APP: variants seen among roughly 807,000 people sequenced by gnomAD.
APP encodes amyloid-beta precursor protein.
APP carries 31 observed loss-of-function variants against 101.4 expected under a neutral mutation model. The observed-to-expected ratio is 0.31, with a 90% CI of 0.23 to 0.41. APP has a LOEUF of 0.41. Ranked by LOEUF, APP falls within the 10% of genes least tolerant of loss-of-function variation. APP has a pLI of 1.00. For synonymous variants in APP, 366 were observed against 364.4 expected (o/e 1.00, Z -0.05); for missense variants, 839 against 1,003.7 (o/e 0.84, Z 2.22).
intron 3 of APP, among the ~76,000 whole-genome samples, chr21:26,073,491 T>C (rs1291384617): frequency 1.3e-5 from 2 of 152,014 alleles, no homozygotes; most frequent in African/African-American, 4.8e-5. Flanking sequence ...AACAGGTGAC[T>C]GTGGAGGGAA....
At position 26,138,598 on chromosome 21, in the gene APP, C is replaced by T. The variant is rs548471712; in HGVS notation, c.58-26452G>A. ...GTCCTAGCTACTTAGGAGGCTGAGG[C>T]GGGAGGATCGCTTGAGACAAGGAGG... On this transcript the variant is annotated intron_variant, in intron 1 of 17. Transcript: ENST00000346798. 3.2e-3 allele frequency among the ~76,000 whole-genome samples: 478 copies of T among 151,564 alleles called. 2 individuals carry two copies. The highest frequency in any genetic ancestry group is 9.9e-3 in the African/African-American group (407 of 41,304).
intron 13 of APP, among the ~76,000 whole-genome samples, chr21:25,936,636 C>T (rs1171816268): frequency 2.0e-5 from 3 of 152,232 alleles, no homozygotes; most frequent in Non-Finnish European, 4.4e-5. Context: ...ATTTGTAAAT[C>T]AAGGAAGAGA....
intron 17 of APP, 114 bp from the exon 18 acceptor site, chr21:25,881,885 G>C (rs780691840): frequency 2.3e-5 from 24 of 1,025,222 alleles, no homozygotes; most frequent in Non-Finnish European, 3.4e-5. Context: ...CAAGATTGCA[G>C]AACACCCATA....
At chr21:26,084,819 T>C (rs1218194195) in intron 3 of APP, among the ~76,000 whole-genome samples, 1 of 152,196 alleles carries the variant, frequency 6.6e-6, no homozygotes, top group African/African-American at 2.4e-5. Flanking sequence ...CATCATGGTG[T>C]TTTCAAAACT....
At chr21:25,914,639 C>T (rs1453102292) in intron 13 of APP, among the ~76,000 whole-genome samples, 10 of 150,468 alleles carry the variant, frequency 6.6e-5, no homozygotes, top group Non-Finnish European at 1.3e-4. Flanking sequence ...CTGCAAGCTC[C>T]GCCTCCCGGG....
chr21:25,929,333 A>G (rs2040041788), intron 13 of APP, among the ~76,000 whole-genome samples: 1 of 152,222 alleles, frequency 6.6e-6, no homozygotes, highest in Non-Finnish European at 1.5e-5. Flanking sequence ...AAAATGTAGA[A>G]AAAAGGAATG....
intron 2 of APP, among the ~76,000 whole-genome samples, chr21:26,091,797 A>G (rs556780853): frequency 2.6e-5 from 4 of 152,256 alleles, no homozygotes; most frequent in African/African-American, 9.6e-5. Flanking sequence ...AGAGGAAAAG[A>G]GGACATTCCC....
At chr21:25,978,841 A>C (rs1387076491) in intron 9 of APP, among the ~76,000 whole-genome samples, 1 of 152,184 alleles carries the variant, frequency 6.6e-6, no homozygotes, top group Non-Finnish European at 1.5e-5. Flanking sequence ...AATCCCAGTT[A>C]CTGGGGAGGC....
Position 26,071,753 on chromosome 21 carries a change from G to C in APP, c.355+18190C>G, listed in dbSNP as rs532142696. On this transcript the variant is annotated intron_variant, in intron 3 of 17. Transcript: ENST00000346798. ...GATATGAGAATCTTCTAAGAAAGGT[G>C]ATTTACCATTTTCAGGCCAAAGGCA... Among the ~76,000 whole-genome samples, 4 of 152,318 alleles carry C rather than the reference G, an allele frequency of 2.6e-5. No homozygotes were observed. In the East Asian group the frequency reaches 7.7e-4, roughly 29 times the overall value.
intron 13 of APP, among the ~76,000 whole-genome samples, chr21:25,918,156 G>C (rs562561619): frequency 6.6e-6 from 1 of 152,320 alleles, no homozygotes; most frequent in Admixed American, 6.5e-5. Context: ...AATACCATTT[G>C]ACCCAGCAAT....
intron 3 of APP, among the ~76,000 whole-genome samples, chr21:26,069,828 C>T (rs1296017449): frequency 6.6e-6 from 1 of 152,012 alleles, no homozygotes; most frequent in Admixed American, 6.6e-5. Flanking sequence ...AGATGCAGAA[C>T]TATTTAGGGC....
intron 2 of APP, among the ~76,000 whole-genome samples, chr21:26,110,753 A>T (rs1258186629): frequency 6.6e-6 from 1 of 152,142 alleles, no homozygotes; most frequent in Non-Finnish European, 1.5e-5. Context: ...ACAAACATTC[A>T]TTATCCAAGT....
At chr21:25,965,195 A>T (rs995516212) in intron 11 of APP, among the ~76,000 whole-genome samples, 2 of 152,214 alleles carry the variant, frequency 1.3e-5, no homozygotes, top group African/African-American at 4.8e-5. Flanking sequence ...GTGTACACTT[A>T]ATGATGAACA....
chr21:26,077,514 T>C (rs2061519920), intron 3 of APP, among the ~76,000 whole-genome samples: 1 of 152,206 alleles, frequency 6.6e-6, no homozygotes, highest in Admixed American at 6.5e-5. Context: ...ATTTGCCTCA[T>C]TTTCTATGCA....
In APP at chr21:26,053,345, C is replaced by T; in HGVS notation, c.359G>A (p.Gly120Asp). ...GAGAAGGGCATCACTTACAAACTCACCAACTGAAAGAAAGGAAAACCACTT... is the reference window on the plus strand; with the variant it reads ...GAGAAGGGCATCACTTACAAACTCATCAACTGAAAGAAAGGAAAACCACTT... ...HFVIPYRCLVGEFVSDALLVP... is the reference protein window; with the variant it reads ...HFVIPYRCLVDEFVSDALLVP... The change falls in exon 4 of 18, where the codon GGT becomes GAT. Residue 120 changes from glycine to aspartate, a missense_variant. By Grantham distance (94) the Gly-to-Asp change is moderately conservative (BLOSUM62 -1). Transcript: ENST00000346798. 1 of 1,606,882 alleles carries T rather than the reference C, an allele frequency of 6.2e-7. No homozygotes were observed. The highest frequency in any genetic ancestry group is 1.1e-5 in the South Asian group (1 of 90,902).
Position 25,911,935 on chromosome 21 carries a change from T to C in APP, c.1715A>G (p.Tyr572Cys). The part of the protein sequence containing the change: ...VDELLQKEQN[Y>C]SDDVLANMIS... ...CATGTTGGCCAAGACGTCATCTGAATAGTTTTGCTCTTTCTGAAGCAGCTC... is the reference window on the plus strand; with the variant it reads ...CATGTTGGCCAAGACGTCATCTGAACAGTTTTGCTCTTTCTGAAGCAGCTC... Residue 572 changes from tyrosine to cysteine, a missense_variant, in exon 14 of 18, where the codon TAT becomes TGT. Tyr to Cys is a radical substitution (Grantham distance 194). Transcript: ENST00000346798. The C allele has an allele frequency of 1.2e-6, 2 of 1,614,212 alleles. No individual in the cohort carries two copies. The highest frequency in any genetic ancestry group is 2.7e-5 in the African/African-American group (2 of 75,068).
intron 17 of APP, 147 bp downstream of exon 17, chr21:25,891,575 A>G: frequency 1.2e-6 from 1 of 827,374 alleles, no homozygotes. Flanking sequence ...AACCAAAACA[A>G]GAAAGAACAA....
intron 3 of APP, among the ~76,000 whole-genome samples, chr21:26,080,701 C>G (rs2061580384): frequency 6.7e-6 from 1 of 149,192 alleles, no homozygotes; most frequent in South Asian, 2.1e-4. Flanking sequence ...ACTCAGGAGG[C>G]AGAGGTTGCA....
rs143961148 is a variant in APP at position 26,141,151 on chromosome 21, T to C, written c.58-29005A>G. Among the ~76,000 whole-genome samples the C allele has an allele frequency of 4.9e-4, 74 of 152,344 alleles. No individual in the cohort carries two copies. In the East Asian group the frequency reaches 0.013, roughly 27 times the overall value. On this transcript the variant is annotated intron_variant, in intron 1 of 17. Coordinates refer to ENST00000346798, the MANE Select transcript of APP (RefSeq NM_000484.4). ...ACTCAAAATAGAGGAAGGCTAATAA[T>C]GATGACATGCAAATCTGATATTGCA...
Sources: gnomAD v4.1 joint callset for allele counts (sites outside exome capture counted in the v4.1 genomes callset) on GRCh38, gnomAD v4.1.1 for gene constraint, MANE v1.5 for transcripts, NCBI Gene and HGNC (gene_info 2026-07-23, HGNC 2026-07-21) for gene names.